Variants in FSD1L observed in about 807,000 individuals in gnomAD.
The protein encoded by FSD1L is FSD1-like protein.
In FSD1L, 45 loss-of-function variants were observed where a neutral mutation model predicts 71.6. The ratio of observed to expected loss-of-function variants is 0.63; its 90% CI spans 0.49 to 0.81. FSD1L has a LOEUF of 0.81. FSD1L is among the 30% of genes least tolerant of loss of function. The pLI is 0.00. For synonymous variants in FSD1L, 197 were observed against 207.2 expected (o/e 0.95, Z 0.42); for missense variants, 561 against 618.1 (o/e 0.91, Z 0.98).
At chr9:105,476,661 C>T (rs751070532) in intron 5 of FSD1L, among the ~76,000 whole-genome samples, 20 of 152,082 alleles carry the variant, frequency 1.3e-4, no homozygotes, top group Non-Finnish European at 2.4e-4. Flanking sequence ...ATCCTTTCTG[C>T]CAATTTTGTA....
intron 10 of FSD1L, chr9:105,525,451 T>C: frequency 6.2e-7 from 1 of 1,607,762 alleles, no homozygotes; most frequent in Non-Finnish European, 8.5e-7. Flanking sequence ...AGAAAAAGAA[T>C]TTGTTGAGAA....
chr9:105,456,986 CTG>C (rs1830398614), intron 1 of FSD1L, among the ~76,000 whole-genome samples: 1 of 152,144 alleles, frequency 6.6e-6, no homozygotes, highest in Non-Finnish European at 1.5e-5. Context: ...ATATAAAAAT[CTG>C]AGACCTTCGT....
chr9:105,513,635 A>G, intron 10 of FSD1L: 1 of 1,530,738 alleles, frequency 6.5e-7, no homozygotes, highest in Non-Finnish European at 8.8e-7. Context: ...ATACAAGGTG[A>G]TGATCTATGT....
chr9:105,507,135 G>T (rs1229761692), intron 8 of FSD1L, among the ~76,000 whole-genome samples: 4 of 152,066 alleles, frequency 2.6e-5, no homozygotes, highest in Admixed American at 2.6e-4. Context: ...AAAGCTGTTG[G>T]TTTTTTAGAT....
intron 10 of FSD1L, chr9:105,523,509 C>T (rs1835315654): frequency 1.2e-6 from 2 of 1,613,046 alleles, no homozygotes; most frequent in Non-Finnish European, 1.7e-6. Flanking sequence ...AATACATGCT[C>T]AAGTTTTTGA....
intron 10 of FSD1L, among the ~76,000 whole-genome samples, chr9:105,518,014 A>G (rs1414962184): frequency 6.6e-6 from 1 of 152,186 alleles, no homozygotes; most frequent in African/African-American, 2.4e-5. Context: ...TGCAACCCTA[A>G]TCTTTGATAA....
At chr9:105,515,004 C>T (rs1159073449) in intron 10 of FSD1L, among the ~76,000 whole-genome samples, 1 of 152,166 alleles carries the variant, frequency 6.6e-6, no homozygotes, top group East Asian at 1.9e-4. Flanking sequence ...CCTAGGGCCT[C>T]CCTCCAGTAA....
At chr9:105,524,806 G>A (rs1161075242) in intron 10 of FSD1L, 1 of 1,589,844 alleles carries the variant, frequency 6.3e-7, no homozygotes, top group African/African-American at 1.3e-5. Context: ...AATCACCTGG[G>A]CCATTATCCA....
At chr9:105,523,051 C>G in intron 10 of FSD1L, 3 of 1,614,212 alleles carry the variant, frequency 1.9e-6, no homozygotes, top group South Asian at 1.1e-5. Flanking sequence ...GGAGCCGACA[C>G]TGGGGTTACG....
intron 3 of FSD1L, among the ~76,000 whole-genome samples, chr9:105,465,262 A>C (rs1404881548): frequency 6.6e-6 from 1 of 152,256 alleles, no homozygotes; most frequent in Admixed American, 6.5e-5. Flanking sequence ...TTGAATCCAC[A>C]GTGAAGTCTC....
At chr9:105,450,531 G>GTTTTTTTTTTTTTTTTTTTT (rs1363861520) in intron 1 of FSD1L, among the ~76,000 whole-genome samples, 2 of 144,764 alleles carry the variant, frequency 1.4e-5, no homozygotes, top group African/African-American at 5.3e-5. Flanking sequence ...TGAGGATTGT[G>GTTTTTTTTTTTTTTTTTTTT]TTCTTTTTTT....
chr9:105,521,278 G>T, intron 10 of FSD1L: 10 of 1,614,210 alleles, frequency 6.2e-6, no homozygotes, highest in Non-Finnish European at 8.5e-6. Flanking sequence ...GCAGCTGCTA[G>T]TTTAGTATCC....
At chr9:105,485,238 A>G (rs1042960311) in intron 7 of FSD1L, among the ~76,000 whole-genome samples, 39 of 152,384 alleles carry the variant, frequency 2.6e-4, no homozygotes, top group Non-Finnish European at 5.6e-4. Context: ...AAGACTGGGC[A>G]GCAATATCTG....
chr9:105,480,984 C>G (rs1832135887), intron 6 of FSD1L, among the ~76,000 whole-genome samples: 1 of 152,040 alleles, frequency 6.6e-6, no homozygotes, highest in South Asian at 2.1e-4. Context: ...AACTCTTTGT[C>G]TTTGCCCAGA....
At chr9:105,468,775 G>A (rs1307544513) in intron 4 of FSD1L, among the ~76,000 whole-genome samples, 1 of 152,136 alleles carries the variant, frequency 6.6e-6, no homozygotes. Context: ...GATTACAGGC[G>A]TAAGGCACCA....
intron 7 of FSD1L, among the ~76,000 whole-genome samples, chr9:105,499,490 G>GT (rs1201535400): frequency 6.6e-6 from 1 of 151,888 alleles, no homozygotes; most frequent in African/African-American, 2.4e-5. Context: ...GTCTGAGAGA[G>GT]TTTTTATTTC....
intron 1 of FSD1L, among the ~76,000 whole-genome samples, chr9:105,459,159 C>CAA (rs1830536948): frequency 6.6e-6 from 1 of 152,144 alleles, no homozygotes; most frequent in African/African-American, 2.4e-5. Flanking sequence ...CTCCTACCAC[C>CAA]ATAGAGAAAA....
chr9:105,448,408 C>T (rs1829763182), intron 1 of FSD1L, among the ~76,000 whole-genome samples, 173 bp downstream of exon 1: 1 of 152,190 alleles, frequency 6.6e-6, no homozygotes, highest in African/African-American at 2.4e-5. Context: ...AGCTAAGAGG[C>T]GCCCACACGG....
intron 10 of FSD1L, chr9:105,521,597 C>A: frequency 6.2e-7 from 1 of 1,613,186 alleles, no homozygotes; most frequent in Non-Finnish European, 8.5e-7. Flanking sequence ...AACCTTTGTT[C>A]ATGCAAGAGC....
Sources: allele counts gnomAD v4.1 joint callset (sites outside exome capture counted in the v4.1 genomes callset), GRCh38; gene constraint gnomAD v4.1.1; transcripts MANE v1.5; gene names NCBI Gene and HGNC (gene_info 2026-07-23, HGNC 2026-07-21).